The following HPSE2 variants were observed in gnomAD, a reference collection of about 807,000 sequenced individuals.
HPSE2 encodes the protein heparanase 2 (inactive).
HPSE2 carries 38 observed loss-of-function variants against 60.5 expected under a neutral mutation model. The ratio of observed to expected loss-of-function variants is 0.63; its 90% confidence interval spans 0.48 to 0.82. The LOEUF is 0.82. Ranked by LOEUF, HPSE2 falls within the 40% of genes least tolerant of loss-of-function variation. HPSE2 has a pLI of 0.00. For synonymous variants in HPSE2, 295 were observed against 293.2 expected (o/e 1.01, Z -0.06); for missense variants, 713 against 740.4 (o/e 0.96, Z 0.43).
chr10:98,876,762 G>C (rs1375085319), intron 3 of HPSE2, among the ~76,000 whole-genome samples: 1 of 151,798 alleles, frequency 6.6e-6, no homozygotes, highest in African/African-American at 2.4e-5. Flanking sequence ...AGAGAGCTCT[G>C]TCTCAAAATA....
At chr10:98,750,983 T>A (rs1053922490) in intron 3 of HPSE2, among the ~76,000 whole-genome samples, 8 of 152,162 alleles carry the variant, frequency 5.3e-5, no homozygotes, top group Admixed American at 4.6e-4. Flanking sequence ...TCTTCCAGTT[T>A]ACAGATGCCA....
intron 3 of HPSE2, among the ~76,000 whole-genome samples, chr10:98,830,684 T>C (rs936473259): frequency 6.6e-6 from 1 of 152,166 alleles, no homozygotes; most frequent in African/African-American, 2.4e-5. Flanking sequence ...CCAAGAAATT[T>C]AAAGAGTAAA....
chr10:99,268,600 C>T, the HPSE2 span, among the ~76,000 whole-genome samples: 19 of 147,786 alleles, frequency 1.3e-4, no homozygotes, highest in African/African-American at 4.0e-4. Context: ...GAGCCGAGAT[C>T]GGGCCTCTGC....
At chr10:99,313,644 G>A in the HPSE2 span, among the ~76,000 whole-genome samples, 1 of 115,282 alleles carries the variant, frequency 8.7e-6, no homozygotes, top group Non-Finnish European at 1.6e-5. Context: ...TCTGTCGCCA[G>A]GCCGGAATAC....
At chr10:98,549,298 C>G (rs372893609) in intron 9 of HPSE2, among the ~76,000 whole-genome samples, 1 of 152,082 alleles carries the variant, frequency 6.6e-6, no homozygotes, top group East Asian at 1.9e-4. Context: ...TACTTCTAGA[C>G]TACTGAGAAT....
At chr10:98,852,541 T>C (rs1484848747) in intron 3 of HPSE2, among the ~76,000 whole-genome samples, 1 of 152,140 alleles carries the variant, frequency 6.6e-6, no homozygotes, top group Non-Finnish European at 1.5e-5. Flanking sequence ...TGCCCCATAC[T>C]CAAGAGAAAA....
Position 98,721,649 on chromosome 10 carries a change from T to C in HPSE2, c.956+8A>G, listed in dbSNP as rs770446720. 6.2e-7 allele frequency: 1 copy of C among 1,612,612 alleles called. No homozygotes were observed. Among genetic ancestry groups the C allele is most frequent in the Non-Finnish European group, 8.5e-7 (1 of 1,179,336 alleles). The stretch of plus-strand genomic sequence containing the variant: ...ATGTCATAAGAAAAGCTAAATAATC[T>C]GACCTACCCATCTAGGAGGGCGATG... On this transcript the variant is annotated splice_region_variant and intron_variant, in intron 5 of 11. Coordinates refer to ENST00000370552, the MANE Select transcript of HPSE2 (RefSeq NM_021828.5).
intron 4 of HPSE2, among the ~76,000 whole-genome samples, chr10:98,735,133 A>T (rs1164047586): frequency 6.6e-6 from 1 of 151,818 alleles, no homozygotes; most frequent in Admixed American, 6.5e-5. Context: ...TAAATTACCC[A>T]GTCTTGGATA....
At chr10:99,148,545 C>T (rs1481092117) in intron 2 of HPSE2, among the ~76,000 whole-genome samples, 3 of 152,130 alleles carry the variant, frequency 2.0e-5, no homozygotes, top group Non-Finnish European at 4.4e-5. Context: ...AATCCCAGCA[C>T]TTTGGGAGCC....
chr10:98,943,833 G>A (rs1383680349), intron 3 of HPSE2, among the ~76,000 whole-genome samples: 2 of 152,150 alleles, frequency 1.3e-5, no homozygotes, highest in Non-Finnish European at 2.9e-5. Context: ...CTTCGGATTA[G>A]ACTGCTGCCT....
intron 3 of HPSE2, among the ~76,000 whole-genome samples, chr10:98,959,754 T>C (rs1239935795): frequency 1.3e-5 from 2 of 152,086 alleles, no homozygotes; most frequent in South Asian, 4.1e-4. Context: ...CCTTCATCTA[T>C]GTAGAGACAA....
chr10:98,758,135 T>C (rs1321456683), intron 3 of HPSE2, among the ~76,000 whole-genome samples: 1 of 152,098 alleles, frequency 6.6e-6, no homozygotes, highest in African/African-American at 2.4e-5. Flanking sequence ...TGGCTAGCCA[T>C]ATGCAGAAGA....
intron 3 of HPSE2, among the ~76,000 whole-genome samples, chr10:98,998,063 A>G (rs768278047): frequency 4.6e-5 from 7 of 152,160 alleles, no homozygotes; most frequent in East Asian, 1.9e-4. Context: ...CATGCCCAAA[A>G]CATTCCTTCC....
At chr10:99,115,176 G>A (rs1384518011) in intron 3 of HPSE2, among the ~76,000 whole-genome samples, 9 of 136,432 alleles carry the variant, frequency 6.6e-5, no homozygotes, top group East Asian at 4.5e-4. Context: ...TTTTTGAGAC[G>A]GAGTCTCGCT....
rs75095455 is a variant in HPSE2, at chr10:98,805,835, T to C, written c.611-61779A>G. 1.4e-3 allele frequency among the ~76,000 whole-genome samples: 208 copies of C among 152,290 alleles called. 3 individuals carry two copies. The East Asian group carries it at 0.031, about 22-fold the overall frequency. On this transcript the variant is annotated intron_variant, in intron 3 of 11. Coordinates refer to ENST00000370552, the MANE Select transcript of HPSE2 (RefSeq NM_021828.5). ...TTCCAAAATTTTTTTCTTCCAAGTA[T>C]AGTGTAATTTATTTTGCCATGAATA...
chr10:99,155,152 T>C (rs1331928688), intron 2 of HPSE2, among the ~76,000 whole-genome samples: 1 of 138,808 alleles, frequency 7.2e-6, no homozygotes, highest in African/African-American at 2.6e-5. Context: ...ACATTAATAA[T>C]GGGAGACTTT....
chr10:99,165,853 T>C (rs567893290), intron 2 of HPSE2, among the ~76,000 whole-genome samples: 14 of 152,052 alleles, frequency 9.2e-5, no homozygotes, highest in South Asian at 4.1e-4. Context: ...GTCCTGTGGG[T>C]TTTGACAAGT....
chr10:98,709,619 G>T (rs528445190), intron 5 of HPSE2, among the ~76,000 whole-genome samples: 1 of 152,304 alleles, frequency 6.6e-6, no homozygotes, highest in South Asian at 2.1e-4. Context: ...CTTCCCATCA[G>T]GGCCATTCTG....
intron 3 of HPSE2, among the ~76,000 whole-genome samples, chr10:99,122,475 A>G (rs1844994677): frequency 6.6e-6 from 1 of 152,004 alleles, no homozygotes; most frequent in Non-Finnish European, 1.5e-5. Flanking sequence ...AATTAAGAAA[A>G]TTTGGTAAAA....
Sources: allele counts gnomAD v4.1 joint callset (sites outside exome capture counted in the v4.1 genomes callset), GRCh38; gene constraint gnomAD v4.1.1; transcripts MANE v1.5; gene names NCBI Gene and HGNC (gene_info 2026-07-23, HGNC 2026-07-21).